Variants in GAD2 observed in about 807,000 individuals in gnomAD.
GAD2 encodes 65 kDa glutamic acid decarboxylase.
GAD2 carries 22 observed loss-of-function variants against 80.1 expected under a neutral mutation model. The observed-to-expected ratio is 0.27, with a 90% CI of 0.20 to 0.39. The LOEUF is 0.39. Among genes scored for constraint, GAD2 ranks in the 10% least tolerant of loss-of-function variants. The pLI, the probability that GAD2 is intolerant of heterozygous loss-of-function variation, is 1.00. For synonymous variants in GAD2, 274 were observed against 256.9 expected (o/e 1.07, Z -0.64); for missense variants, 624 against 738.4 (o/e 0.85, Z 1.80).
chr10:26,288,177 T>C (rs564057475), intron 13 of GAD2, among the ~76,000 whole-genome samples: 1 of 152,356 alleles, frequency 6.6e-6, no homozygotes, highest in East Asian at 1.9e-4. Context: ...AAGTCCATTC[T>C]GGCAAAAAGA....
intron 7 of GAD2, among the ~76,000 whole-genome samples, chr10:26,241,268 A>G (rs143137443): frequency 3.6e-4 from 55 of 152,338 alleles, no homozygotes; most frequent in African/African-American, 1.2e-3. Context: ...TTCCCAAGCC[A>G]TTTTATTAAT....
intron 8 of GAD2, among the ~76,000 whole-genome samples, chr10:26,268,354 G>C (rs981599890): frequency 2.0e-5 from 3 of 151,898 alleles, no homozygotes; most frequent in Non-Finnish European, 4.4e-5. Context: ...TGTAGTCCCA[G>C]CTACTCGGGA....
At chr10:26,252,363 G>C (rs1554851814) in intron 8 of GAD2, among the ~76,000 whole-genome samples, 1 of 150,534 alleles carries the variant, frequency 6.6e-6, no homozygotes, top group Non-Finnish European at 1.5e-5. Flanking sequence ...TTCTTTTTGA[G>C]ACAAGGTCTC....
chr10:26,254,225 T>C (rs1844917496), intron 8 of GAD2, among the ~76,000 whole-genome samples: 1 of 152,070 alleles, frequency 6.6e-6, no homozygotes, highest in Non-Finnish European at 1.5e-5. Context: ...TTAGTGGAGA[T>C]GGGGTTTCAC....
intron 15 of GAD2, among the ~76,000 whole-genome samples, chr10:26,296,138 T>C (rs1185291723): frequency 6.6e-6 from 1 of 152,162 alleles, no homozygotes; most frequent in African/African-American, 2.4e-5. Flanking sequence ...TTTTTCTCCC[T>C]GTATCCTCAC....
At position 26,217,862 on chromosome 10, in the gene GAD2, G is replaced by A. The variant is rs1844397943; in HGVS notation, c.157G>A (p.Glu53Lys). Residue 53 changes from glutamate to lysine, a missense_variant, in exon 3 of 16, where the codon GAG (glutamate) becomes AAG (lysine). Coordinates refer to ENST00000376261, the MANE Select transcript of GAD2 (RefSeq NM_001134366.2). This position sits in a 1 kb window ranked among gnomAD's most constrained non-coding sequence, Gnocchi z 4.9. ...KLCALLYGDAEKPAESGGSQP... is the reference protein window; with the variant it reads ...KLCALLYGDAKKPAESGGSQP... ...CCCAGCCCTGCTCTACGGAGACGCC[G>A]AGAAGCCGGCGGAGAGCGGCGGGAG... The A allele has an allele frequency of 6.2e-7, 1 of 1,606,968 alleles. No homozygotes were observed. Among genetic ancestry groups the A allele is most frequent in the South Asian group, 1.1e-5 (1 of 90,606 alleles).
At chr10:26,228,226 C>A (rs1844553771) in intron 6 of GAD2, among the ~76,000 whole-genome samples, 1 of 152,216 alleles carries the variant, frequency 6.6e-6, no homozygotes, top group Non-Finnish European at 1.5e-5. Context: ...TCCTGAATTG[C>A]AAACATCCTA....
intron 8 of GAD2, among the ~76,000 whole-genome samples, chr10:26,256,878 T>A (rs771981199): frequency 2.7e-4 from 41 of 152,212 alleles, no homozygotes; most frequent in Non-Finnish European, 5.4e-4. Flanking sequence ...GCTTCTGAAA[T>A]GTTCACCCAC....
Position 26,223,977 on chromosome 10 carries a change from T to C in GAD2, c.611T>C (p.Met204Thr). 2.5e-6 allele frequency: 4 copies of C among 1,596,992 alleles called. No individual in the cohort carries two copies. The highest frequency in any genetic ancestry group is 1.3e-5 in the African/African-American group (1 of 74,296). The change falls in exon 5 of 16, where the codon ATG (methionine) becomes ACG (threonine). Residue 204 changes from methionine to threonine, a missense_variant and splice_region_variant. Transcript: ENST00000376261. ...DWLTSTANTN[M>T]FTYEIAPVFV... Reference sequence around the variant, plus strand: ...CTGACATCAACAGCAAATACTAACATGTAAGTAGCCAAATGTGTTTTTATG... The same window carrying C: ...CTGACATCAACAGCAAATACTAACACGTAAGTAGCCAAATGTGTTTTTATG...
chr10:26,230,627 G>T (rs924467933), intron 7 of GAD2, among the ~76,000 whole-genome samples: 4 of 152,058 alleles, frequency 2.6e-5, no homozygotes, highest in African/African-American at 9.7e-5. Context: ...TAGAGACAGG[G>T]TCTTGCAGTG....
At chr10:26,262,873 G>T (rs1189098390) in intron 8 of GAD2, among the ~76,000 whole-genome samples, 2 of 150,334 alleles carry the variant, frequency 1.3e-5, no homozygotes, top group African/African-American at 4.9e-5. Flanking sequence ...CCTCTCTACA[G>T]ATACATTTAG....
intron 11 of GAD2, among the ~76,000 whole-genome samples, chr10:26,278,018 T>C (rs768741714): frequency 6.6e-6 from 1 of 152,054 alleles, no homozygotes; most frequent in Non-Finnish European, 1.5e-5. Context: ...ATTGCCAACA[T>C]TTCTGAAATC....
At position 26,300,910 on chromosome 10, in the gene GAD2, A is replaced by G; in HGVS notation, c.1707A>G (p.Gln569=). 1.2e-6 allele frequency: 2 copies of G among 1,614,056 alleles called. No individual in the cohort carries two copies. Among genetic ancestry groups the G allele is most frequent in the Non-Finnish European group, 8.5e-7 (1 of 1,179,916 alleles). The change falls in exon 16 of 16, where the codon CAA becomes CAG. Residue 569 remains glutamine, a synonymous_variant. Transcript: ENST00000376261. ...MVISNPAATH[Q]DIDFLIEEIE... is the part of the protein sequence containing the mutation. ...TCTCAAACCCAGCGGCAACTCACCAAGACATTGACTTCCTGATTGAAGAAA... is the reference window on the plus strand; with the variant it reads ...TCTCAAACCCAGCGGCAACTCACCAGGACATTGACTTCCTGATTGAAGAAA...
In GAD2 at chr10:26,233,872, G is replaced by A. The variant is rs186631694; in HGVS notation, c.840+4095G>A. Among the ~76,000 whole-genome samples, 133 of 152,234 alleles carry A rather than the reference G, an allele frequency of 8.7e-4. 1 individual carries two copies. In the East Asian group the frequency reaches 0.023, roughly 26 times the overall value. On this transcript the variant is annotated intron_variant, in intron 7 of 15. Coordinates refer to ENST00000376261, the MANE Select transcript of GAD2 (RefSeq NM_001134366.2). ...ACTCAGTGAGGAGAGGGAGGCCATG[G>A]GTCAAGACAGACGCTGCTTCGGGTG...
At chr10:26,262,682 C>A (rs1845022992) in intron 8 of GAD2, among the ~76,000 whole-genome samples, 1 of 152,010 alleles carries the variant, frequency 6.6e-6, no homozygotes, top group African/African-American at 2.4e-5. Flanking sequence ...ATACATTTTC[C>A]TCTGAGAATG....
At chr10:26,222,854 A>G (rs190082423) in intron 4 of GAD2, among the ~76,000 whole-genome samples, 5 of 152,300 alleles carry the variant, frequency 3.3e-5, no homozygotes, top group African/African-American at 9.6e-5. Context: ...ATGAGAGACA[A>G]TCACATCCCA....
At chr10:26,218,918 C>T in intron 3 of GAD2, 125 bp from the exon 4 acceptor site, 1 of 641,844 alleles carries the variant, frequency 1.6e-6, no homozygotes, top group Admixed American at 3.9e-5. Context: ...AATGTTCTGC[C>T]TTTCCAAAAG....
rs1012253354 is a variant in GAD2 at position 26,304,198 on chromosome 10, G to C, written c.*3237G>C. ...TAGGTGTTGGCTCTGCTGGTCACTG[G>C]AGTAGTTGCTACTCTTCAGAATATG... On this transcript the variant is annotated 3_prime_UTR_variant, in exon 16 of 16. Transcript: ENST00000376261. 2 of 152,622 alleles carry C rather than the reference G, an allele frequency of 1.3e-5. No homozygotes were observed. The highest frequency in any genetic ancestry group is 4.8e-5 in the African/African-American group (2 of 41,434). 9.5% of individuals were successfully genotyped at this position (152,622 alleles called of 1,614,324 possible).
In GAD2 at chr10:26,273,527, T is replaced by C. The variant is rs1484740664; in HGVS notation, c.1093-109T>C. ...TTAGTGCCAGAAGGAGGTGGTCAAC[T>C]TCCTAAGTGGCCTGGGGTCAAGATC... On this transcript the variant is annotated intron_variant, in intron 10 of 15. Coordinates refer to ENST00000376261, the MANE Select transcript of GAD2 (RefSeq NM_001134366.2). 13 of 872,604 alleles carry C rather than the reference T, an allele frequency of 1.5e-5. No homozygotes were observed. In the African/African-American group the frequency reaches 1.7e-4, roughly 11 times the overall value. The allele number at this position is 872,604 out of a possible 1,614,324, so 54.1% of individuals were successfully genotyped here.
Sources: allele counts gnomAD v4.1 joint callset (sites outside exome capture counted in the v4.1 genomes callset), GRCh38; gene constraint gnomAD v4.1.1; non-coding constraint Gnocchi (gnomAD v3.1); transcripts MANE v1.5; gene names NCBI Gene and HGNC (gene_info 2026-07-23, HGNC 2026-07-21).